Variants in ENTREP2 observed in about 807,000 individuals in gnomAD.
The protein encoded by ENTREP2 is endosomal transmembrane epsin interactor 2, also known as protein ENTREP2.
the ENTREP2 span, among the ~76,000 whole-genome samples, chr15:29,489,919 C>A: frequency 6.6e-6 from 1 of 152,204 alleles, no homozygotes; most frequent in Admixed American, 6.5e-5. Context: ...CTACAAAGAT[C>A]ACCACAAAAA....
At chr15:29,172,561 C>T in the ENTREP2 span, among the ~76,000 whole-genome samples, 7 of 151,796 alleles carry the variant, frequency 4.6e-5, no homozygotes, top group South Asian at 4.2e-4. Context: ...AAGTAGAGCC[C>T]GGGGTGATGA....
At chr15:29,554,727 G>A in the ENTREP2 span, among the ~76,000 whole-genome samples, 3 of 152,048 alleles carry the variant, frequency 2.0e-5, no homozygotes, top group African/African-American at 4.8e-5. Flanking sequence ...TGGCTGTGGC[G>A]CTGAGCCAGG....
the ENTREP2 span, among the ~76,000 whole-genome samples, chr15:29,201,059 C>T: frequency 6.6e-6 from 1 of 152,106 alleles, no homozygotes; most frequent in Non-Finnish European, 1.5e-5. Context: ...CTATACAGTT[C>T]ACTATTAATA....
the ENTREP2 span, chr15:29,269,083 T>G: frequency 3.7e-6 from 6 of 1,613,886 alleles, no homozygotes; most frequent in African/African-American, 8.0e-5. Flanking sequence ...CTTGGTGGGG[T>G]AGACCCCTAA....
At chr15:29,177,190 G>A in the ENTREP2 span, among the ~76,000 whole-genome samples, 60,777 of 151,588 alleles carry the variant, frequency 0.4, 12,515 homozygotes, top group East Asian at 0.55. Flanking sequence ...GGCTGGGGGA[G>A]GATGGCAGGG....
chr15:29,308,575 C>T, the ENTREP2 span, among the ~76,000 whole-genome samples: 2 of 152,162 alleles, frequency 1.3e-5, no homozygotes, highest in Admixed American at 1.3e-4. Flanking sequence ...TTTCCTCCCA[C>T]CCCTAGTTTC....
At chr15:29,646,926 C>G in the ENTREP2 span, among the ~76,000 whole-genome samples, 1 of 152,142 alleles carries the variant, frequency 6.6e-6, no homozygotes, top group African/African-American at 2.4e-5. Flanking sequence ...ATTTCAAACC[C>G]ACTTCTCTAT....
the ENTREP2 span, among the ~76,000 whole-genome samples, chr15:29,652,988 T>C: frequency 2.6e-5 from 4 of 152,136 alleles, no homozygotes; most frequent in Admixed American, 6.5e-5. Flanking sequence ...AAAGATCCCA[T>C]AAGAAAGGTT....
the ENTREP2 span, among the ~76,000 whole-genome samples, chr15:29,225,443 A>G: frequency 1.3e-5 from 2 of 152,226 alleles, no homozygotes; most frequent in Non-Finnish European, 2.9e-5. Flanking sequence ...TGAACCTTGA[A>G]GATCTTGTTG....
the ENTREP2 span, among the ~76,000 whole-genome samples, chr15:29,427,171 T>G: frequency 2.0e-5 from 3 of 152,210 alleles, no homozygotes; most frequent in Non-Finnish European, 4.4e-5. Flanking sequence ...TATATACTAT[T>G]AATTGCTGTT....
the ENTREP2 span, among the ~76,000 whole-genome samples, chr15:29,377,823 AAATAAT>A: frequency 0.019 from 2,100 of 112,972 alleles, 22 homozygotes; most frequent in Middle Eastern, 0.036. Flanking sequence ...TCTGTCTCAA[AAATAAT>A]AATAATAATA....
At chr15:29,316,454 G>T in the ENTREP2 span, among the ~76,000 whole-genome samples, 1 of 152,080 alleles carries the variant, frequency 6.6e-6, no homozygotes, top group Non-Finnish European at 1.5e-5. Flanking sequence ...CAAATTATTG[G>T]TATCTATTAG....
the ENTREP2 span, among the ~76,000 whole-genome samples, chr15:29,629,385 C>T: frequency 7.5e-3 from 1,135 of 152,138 alleles, 16 homozygotes; most frequent in African/African-American, 0.026. Flanking sequence ...CTTTGTGTAC[C>T]TCTTCTTGAT....
the ENTREP2 span, among the ~76,000 whole-genome samples, chr15:29,642,385 A>AG: frequency 6.6e-6 from 1 of 151,460 alleles, no homozygotes; most frequent in South Asian, 2.1e-4. Context: ...ACCATTCAAT[A>AG]GGGGGGAGAG....
the ENTREP2 span, among the ~76,000 whole-genome samples, chr15:29,388,128 T>C: frequency 2.6e-5 from 4 of 152,102 alleles, no homozygotes; most frequent in African/African-American, 9.7e-5. Context: ...TGGGATCTAA[T>C]TAAACTAAAG....
chr15:29,540,384 C>A, the ENTREP2 span, among the ~76,000 whole-genome samples: 1 of 152,002 alleles, frequency 6.6e-6, no homozygotes, highest in Non-Finnish European at 1.5e-5. Flanking sequence ...TAAATATGTA[C>A]AAATATAATG....
At chr15:29,351,650 T>A in the ENTREP2 span, among the ~76,000 whole-genome samples, 1 of 152,216 alleles carries the variant, frequency 6.6e-6, no homozygotes, top group Admixed American at 6.5e-5. Flanking sequence ...TTATTTATTT[T>A]ATTTTATTTT....
chr15:29,223,406 T>C, the ENTREP2 span, among the ~76,000 whole-genome samples: 1 of 152,246 alleles, frequency 6.6e-6, no homozygotes, highest in South Asian at 2.1e-4. Flanking sequence ...CCAGCTCCAA[T>C]GGCTCTCTAT....
chr15:29,625,869 T>C, the ENTREP2 span, among the ~76,000 whole-genome samples: 1 of 151,982 alleles, frequency 6.6e-6, no homozygotes, highest in African/African-American at 2.4e-5. Flanking sequence ...TCTTTTTTAT[T>C]TTATTTTTTG....
Sources: gnomAD v4.1 joint callset for allele counts (sites outside exome capture counted in the v4.1 genomes callset) on GRCh38, gnomAD v4.1.1 for gene constraint, MANE v1.5 for transcripts, NCBI Gene and HGNC (gene_info 2026-07-23, HGNC 2026-07-21) for gene names.